Variants in NHS observed in about 807,000 individuals in gnomAD.
NHS encodes actin remodeling regulator NHS.
Under a neutral mutation model 72.5 loss-of-function variants are expected in NHS, and 5 were observed. The ratio of observed to expected loss-of-function variants is 0.07; its 90% CI spans 0.04 to 0.14. The LOEUF (loss-of-function observed/expected upper bound fraction) is 0.14. NHS is among the 10% of genes least tolerant of loss of function. The pLI is 1.00. For missense variants in NHS, 1,072 were observed against 1,355.7 expected, an observed-to-expected ratio of 0.79 and a Z score of 3.29; for synonymous variants, 464 against 547.7, an observed-to-expected ratio of 0.85 and a Z score of 2.13.
chrX:17,497,098 T>C (rs2065016523), intron 1 of NHS, among the ~76,000 whole-genome samples: 1 of 112,103 alleles, frequency 8.9e-6, no homozygotes, highest in African/African-American at 3.2e-5. Flanking sequence ...GGGTGCACAA[T>C]AGGTTCTCAT....
At chrX:17,426,303 TG>T (rs1156518754) in intron 1 of NHS, among the ~76,000 whole-genome samples, 40 of 112,032 alleles carry the variant, frequency 3.6e-4, no homozygotes, top group African/African-American at 1.3e-3. Flanking sequence ...ACATCACTTA[TG>T]GGGGCTGTTT....
At chrX:17,681,832 C>T (rs774280510) in intron 1 of NHS, among the ~76,000 whole-genome samples, 29 of 111,949 alleles carry the variant, frequency 2.6e-4, no homozygotes, top group Non-Finnish European at 4.3e-4. Context: ...TACAAATAAA[C>T]ACACAGATAT....
Position 17,546,382 on chromosome X carries a change from A to T in NHS, c.566-141360A>T, listed in dbSNP as rs375067659. ...CAGCCCTAGTATCACAGGGCAGAGT[A>T]TAGAAAAAGTGGGTTTGAAACTGAG... On this transcript the variant is annotated intron_variant, in intron 1 of 8. Transcript: ENST00000676302. Among the ~76,000 whole-genome samples the T allele has an allele frequency of 8.5e-4, 96 of 112,346 alleles. 1 individual carries two copies. In the South Asian group the frequency reaches 0.035, roughly 40 times the overall value.
intron 1 of NHS, among the ~76,000 whole-genome samples, chrX:17,388,081 TTTGTTG>T (rs777953478): frequency 3.6e-5 from 4 of 111,829 alleles, no homozygotes; most frequent in Non-Finnish European, 7.5e-5. Flanking sequence ...TTAAGGTTCT[TTTGTTG>T]TTGTTGTTGT....
In NHS at chrX:17,525,106, T is replaced by C. The variant is rs146447559; in HGVS notation, c.565+148784T>C. ...TCTGTTGGGTGTATGTTTTGACACA[T>C]GTAGTAACTCATTTTGGAAATACTT... On this transcript the variant is annotated intron_variant, in intron 1 of 8. Transcript: ENST00000676302. Among the ~76,000 whole-genome samples the C allele has an allele frequency of 5.0e-3, 562 of 112,415 alleles. 3 individuals carry two copies. Among genetic ancestry groups the C allele is most frequent in the African/African-American group, 0.017 (523 of 30,929 alleles).
Position 17,494,076 on chromosome X carries a change from C to CTTTTT in NHS, c.565+117772_565+117776dup, listed in dbSNP as rs749475125. Among the ~76,000 whole-genome samples, 4 of 73,319 alleles carry CTTTTT rather than the reference C, an allele frequency of 5.5e-5. 1 individual carries two copies. Among genetic ancestry groups the CTTTTT allele is most frequent in the Non-Finnish European group, 7.6e-5 (3 of 39,727 alleles). 63.7% of individuals were successfully genotyped at this position (73,319 alleles called of 115,157 possible). On this transcript the variant is annotated intron_variant, in intron 1 of 8. Transcript: ENST00000676302. ...GAAGTACAGAGCAGGTCCTGGATGA[C>CTTTTT]TTTTTTTTTTTTTTTTTTTTTTGAC...
chrX:17,397,834 C>T (rs1273492097), intron 1 of NHS, among the ~76,000 whole-genome samples: 2 of 112,122 alleles, frequency 1.8e-5, no homozygotes, highest in African/African-American at 6.5e-5. Context: ...TATCCATTTA[C>T]ATGGTATTTC....
chrX:17,694,397 T>G (rs1252010637), intron 3 of NHS, among the ~76,000 whole-genome samples: 1 of 112,516 alleles, frequency 8.9e-6, no homozygotes, highest in Non-Finnish European at 1.9e-5. Flanking sequence ...GCTGCAGGTA[T>G]AGAGACAGGA....
intron 1 of NHS, among the ~76,000 whole-genome samples, chrX:17,388,781 T>C (rs2064423696): frequency 9.1e-6 from 1 of 109,882 alleles, no homozygotes; most frequent in Non-Finnish European, 1.9e-5. Context: ...ACTTTGGGTA[T>C]TGTGGCAAGA....
chrX:17,433,196 CTTTTTTTTTTTTTT>C (rs768285319), intron 1 of NHS, among the ~76,000 whole-genome samples: 3 of 64,631 alleles, frequency 4.6e-5, no homozygotes, highest in Admixed American at 1.8e-4. Context: ...CGCCCGGCTA[CTTTTTTTTTTTTTT>C]TTTTTTTTTT....
intron 1 of NHS, among the ~76,000 whole-genome samples, chrX:17,438,700 A>G (rs2146880928): frequency 8.9e-6 from 1 of 112,155 alleles, no homozygotes; most frequent in East Asian, 2.8e-4. Flanking sequence ...ATCTACAAAA[A>G]CAAATCACTC....
At chrX:17,700,237 G>A (rs974188020) in intron 3 of NHS, among the ~76,000 whole-genome samples, 6 of 110,044 alleles carry the variant, frequency 5.5e-5, no homozygotes, top group Non-Finnish European at 9.5e-5. Context: ...GAGCCCAGGA[G>A]TTTGAGACCA....
intron 1 of NHS, chrX:17,635,447 T>A: frequency 8.6e-7 from 1 of 1,165,430 alleles, no homozygotes; most frequent in Non-Finnish European, 1.1e-6. Context: ...TCTCTCGCCC[T>A]CCATCCCCCC....
intron 1 of NHS, among the ~76,000 whole-genome samples, chrX:17,538,946 G>C (rs1009762384): frequency 8.9e-6 from 1 of 111,933 alleles, no homozygotes; most frequent in Non-Finnish European, 1.9e-5. Flanking sequence ...CTTTCAGCCA[G>C]GCTTTTTGGC....
chrX:17,465,646 T>A (rs1475573898), intron 1 of NHS, among the ~76,000 whole-genome samples: 1 of 109,745 alleles, frequency 9.1e-6, no homozygotes, highest in Non-Finnish European at 1.9e-5. Context: ...ACTCCTTACA[T>A]AATGGAAGCT....
intron 1 of NHS, among the ~76,000 whole-genome samples, chrX:17,422,848 T>G (rs1362938701): frequency 9.0e-6 from 1 of 111,409 alleles, no homozygotes; most frequent in Non-Finnish European, 1.9e-5. Flanking sequence ...CTTGGTTGAG[T>G]GAAGCACACA....
At chrX:17,525,475 T>C (rs1348807689) in intron 1 of NHS, among the ~76,000 whole-genome samples, 1 of 111,825 alleles carries the variant, frequency 8.9e-6, no homozygotes, top group Non-Finnish European at 1.9e-5. Flanking sequence ...TGGGAGTTCT[T>C]TTTGGAATGT....
At chrX:17,542,539 G>A (rs1214375050) in intron 1 of NHS, among the ~76,000 whole-genome samples, 2 of 112,856 alleles carry the variant, frequency 1.8e-5, no homozygotes, top group African/African-American at 6.4e-5. Flanking sequence ...AAGGGGGTTG[G>A]CCATTTCCTT....
At chrX:17,629,869 G>T (rs991810045) in intron 1 of NHS, among the ~76,000 whole-genome samples, 11 of 110,638 alleles carry the variant, frequency 9.9e-5, no homozygotes, top group African/African-American at 3.3e-4. Context: ...AATGCCAGAG[G>T]AACAAAACAG....
Sources: allele counts gnomAD v4.1 joint callset (sites outside exome capture counted in the v4.1 genomes callset), GRCh38; gene constraint gnomAD v4.1.1; transcripts MANE v1.5; gene names NCBI Gene and HGNC (gene_info 2026-07-23, HGNC 2026-07-21).